The following CDH4 variants were observed in gnomAD, a reference collection of about 807,000 sequenced individuals.
CDH4 encodes the protein cadherin 4.
CDH4 carries 33 observed loss-of-function variants against 86.0 expected under a neutral mutation model. That is an observed-to-expected ratio of 0.38 (90% CI 0.29 to 0.51). CDH4 has a LOEUF of 0.51. CDH4 is among the 20% of genes least tolerant of loss of function. The pLI, the probability that CDH4 is intolerant of heterozygous loss-of-function variation, is 0.86. For synonymous variants in CDH4, 555 were observed against 549.4 expected, an observed-to-expected ratio of 1.01 and a Z score of -0.14; for missense variants, 1,114 against 1,307.4, an observed-to-expected ratio of 0.85 and a Z score of 2.28.
intron 2 of CDH4, among the ~76,000 whole-genome samples, chr20:61,579,162 C>T (rs184993404): frequency 2.6e-5 from 4 of 152,240 alleles, no homozygotes; most frequent in Admixed American, 2.6e-4. Flanking sequence ...CAAGTAGGTA[C>T]TCACACTCTC....
chr20:61,283,403 G>A (rs939748517), intron 2 of CDH4, among the ~76,000 whole-genome samples: 2 of 113,240 alleles, frequency 1.8e-5, no homozygotes, highest in Non-Finnish European at 3.9e-5. Flanking sequence ...GTGCTGTGGC[G>A]TGTGTGATGT....
At chr20:61,890,097 G>T (rs138524025) in intron 7 of CDH4, among the ~76,000 whole-genome samples, 1 of 144,764 alleles carries the variant, frequency 6.9e-6, no homozygotes, top group Non-Finnish European at 1.5e-5. Flanking sequence ...TGGATGGATG[G>T]ATGCATGGAT....
chr20:61,509,062 C>A (rs907228808), intron 2 of CDH4, among the ~76,000 whole-genome samples: 4 of 152,138 alleles, frequency 2.6e-5, no homozygotes, highest in Admixed American at 2.0e-4. Flanking sequence ...GTGTGGGGTT[C>A]ACTGTGCCTG....
chr20:61,529,652 A>T (rs2085937496), intron 2 of CDH4, among the ~76,000 whole-genome samples: 1 of 152,126 alleles, frequency 6.6e-6, no homozygotes, highest in Middle Eastern at 3.2e-3. Context: ...CTGTTGAAAC[A>T]TGGGGAGAGG....
At chr20:61,724,719 T>A (rs6089494) in intron 2 of CDH4, among the ~76,000 whole-genome samples, 50,170 of 152,088 alleles carry the variant, frequency 0.33, 9,380 homozygotes, top group South Asian at 0.43. Flanking sequence ...AGATTCTGTC[T>A]TGTAGTCCTT....
intron 2 of CDH4, among the ~76,000 whole-genome samples, chr20:61,677,569 T>A (rs578188269): frequency 1.3e-5 from 2 of 151,110 alleles, no homozygotes; most frequent in Admixed American, 6.6e-5. Context: ...GACTACCTCC[T>A]TCTGCAGCAG....
chr20:61,438,077 T>G (rs1268823136), intron 2 of CDH4, among the ~76,000 whole-genome samples: 4 of 152,232 alleles, frequency 2.6e-5, no homozygotes, highest in African/African-American at 9.6e-5. Flanking sequence ...CATGCCAGGT[T>G]TGCCCAGTGG....
At chr20:61,898,408 G>C (rs1985231657) in intron 8 of CDH4, among the ~76,000 whole-genome samples, 1 of 152,240 alleles carries the variant, frequency 6.6e-6, no homozygotes, top group South Asian at 2.1e-4. Context: ...ACTCCCTCCA[G>C]CAGGTGAGCA....
chr20:61,875,218 G>C (rs1043458045), intron 7 of CDH4, among the ~76,000 whole-genome samples: 2 of 152,218 alleles, frequency 1.3e-5, no homozygotes, highest in African/African-American at 4.8e-5. Flanking sequence ...CCAAGCTGCA[G>C]CCTGGAAAAT....
At chr20:61,298,721 AAAAG>A (rs1483248074) in intron 2 of CDH4, among the ~76,000 whole-genome samples, 3 of 151,840 alleles carry the variant, frequency 2.0e-5, no homozygotes, top group African/African-American at 7.3e-5. Flanking sequence ...AAAAAAAAGA[AAAAG>A]AAAAATAAAC....
In CDH4 at chr20:61,904,267, C is replaced by G. The variant is rs551468983; in HGVS notation, c.1189-6155C>G. Among the ~76,000 whole-genome samples the G allele has an allele frequency of 3.2e-4, 49 of 152,286 alleles. 1 individual carries two copies. In the South Asian group the frequency reaches 9.1e-3, roughly 28 times the overall value. On this transcript the variant is annotated intron_variant, in intron 8 of 15. Coordinates refer to ENST00000614565, the MANE Select transcript of CDH4 (RefSeq NM_001794.5). ...GGCGTGCCAGGGGCTGCGGCTCTCT[C>G]GTGGGGCTCCCAGTCCTCTGGGTAC...
chr20:61,854,429 G>T lies in CDH4; in HGVS notation c.877+1531G>T, dbSNP rs570675048. ...TGCACTCTTGGCCTGCCCCAGGGCT[G>T]CAGTGTGAACAGGATGAATTGTGCC... On this transcript the variant is annotated intron_variant, in intron 6 of 15. Transcript: ENST00000614565. 4.8e-4 allele frequency among the ~76,000 whole-genome samples: 72 copies of T among 149,694 alleles called. 1 individual carries two copies. Among genetic ancestry groups the T allele is most frequent in the African/African-American group, 1.5e-3 (59 of 40,596 alleles).
rs868093818 is a variant in CDH4 at position 61,773,166 on chromosome 20, C to G, written c.560C>G (p.Pro187Arg). The G allele has an allele frequency of 1.9e-6, 3 of 1,576,750 alleles. No individual in the cohort carries two copies. Among genetic ancestry groups the G allele is most frequent in the East Asian group, 2.3e-5 (1 of 43,338 alleles). The part of the protein sequence containing the change: ...NVPENSRGPF[P>R]QQLVRIRSDK... The stretch of plus-strand genomic sequence containing the variant: ...CCCGAGAACTCGCGCGGGCCCTTCC[C>G]GCAGCAGCTCGTGAGGGTGAGTGCA... The change falls in exon 4 of 16, where the codon CCG becomes CGG. Residue 187 changes from proline to arginine, a missense_variant. Around this residue, in one of 3 missense-constraint regions of CDH4, gnomAD observed 705 missense variants for 914.1 expected, o/e 0.77. Coordinates refer to ENST00000614565, the MANE Select transcript of CDH4 (RefSeq NM_001794.5).
chr20:61,681,445 T>G lies in CDH4; in HGVS notation c.170-62118T>G, dbSNP rs2087511911. ...TGGAACTTTATAACTGTGTGCGTAT[T>G]TCAAGGGATCTGTTGGCTTCTGAGC... On this transcript the variant is annotated intron_variant, in intron 2 of 15. Transcript: ENST00000614565. The surrounding 1 kb of genome is among the most constrained non-coding windows in gnomAD (Gnocchi z 4.5). 6.6e-6 allele frequency among the ~76,000 whole-genome samples: 1 copy of G among 152,238 alleles called. No individual in the cohort carries two copies. Among genetic ancestry groups the G allele is most frequent in the African/African-American group, 2.4e-5 (1 of 41,460 alleles).
intron 2 of CDH4, among the ~76,000 whole-genome samples, chr20:61,643,187 G>A (rs560846687): frequency 5.9e-4 from 90 of 152,250 alleles, no homozygotes; most frequent in Non-Finnish European, 1.1e-3. Context: ...CATAACATGA[G>A]AGAAAGCATC....
intron 2 of CDH4, among the ~76,000 whole-genome samples, chr20:61,296,600 G>A (rs1010823666): frequency 2.6e-5 from 4 of 152,052 alleles, no homozygotes; most frequent in African/African-American, 4.8e-5. Context: ...TTACCGCCTC[G>A]TAAATGTTAT....
At chr20:61,678,323 A>T (rs1270658017) in intron 2 of CDH4, among the ~76,000 whole-genome samples, 4 of 152,178 alleles carry the variant, frequency 2.6e-5, no homozygotes, top group Admixed American at 2.6e-4. Flanking sequence ...GGATGGATGG[A>T]TGGATGGTAA....
At chr20:61,634,840 G>A (rs867500573) in intron 2 of CDH4, among the ~76,000 whole-genome samples, 1 of 152,158 alleles carries the variant, frequency 6.6e-6, no homozygotes, top group Non-Finnish European at 1.5e-5. Flanking sequence ...CCTGGCAACC[G>A]CTGTTCCACT....
At chr20:61,481,823 C>T (rs1393021927) in intron 2 of CDH4, among the ~76,000 whole-genome samples, 1 of 152,222 alleles carries the variant, frequency 6.6e-6, no homozygotes, top group African/African-American at 2.4e-5. Flanking sequence ...ACCAAACTGC[C>T]TCAGCAAATG....
Sources: gnomAD v4.1 joint callset for allele counts (sites outside exome capture counted in the v4.1 genomes callset) on GRCh38, gnomAD v4.1.1 for gene constraint, gnomAD v4.1.1 regional missense constraint, Gnocchi (gnomAD v3.1) non-coding constraint, MANE v1.5 for transcripts, NCBI Gene and HGNC (gene_info 2026-07-23, HGNC 2026-07-21) for gene names.